The following TBC1D14 variants were observed in gnomAD, a reference collection of about 807,000 sequenced individuals.
TBC1D14 encodes TBC1 domain family, member 14.
TBC1D14 carries 26 observed loss-of-function variants against 79.0 expected under a neutral mutation model. The ratio of observed to expected loss-of-function variants is 0.33; its 90% confidence interval spans 0.24 to 0.46. The LOEUF (loss-of-function observed/expected upper bound fraction) is 0.46, where lower values mean the gene tolerates loss of function less well. Ranked by LOEUF, TBC1D14 falls within the 20% of genes least tolerant of loss-of-function variation. TBC1D14 has a pLI of 1.00. For missense variants in TBC1D14, 769 were observed against 887.6 expected (o/e 0.87, Z 1.70); for synonymous variants, 394 against 349.9 (o/e 1.13, Z -1.40).
intron 2 of TBC1D14, among the ~76,000 whole-genome samples, chr4:6,943,024 C>T (rs982877320): frequency 6.6e-6 from 1 of 152,182 alleles, no homozygotes; most frequent in East Asian, 1.9e-4. Context: ...TCAAACACAA[C>T]GGAGGTTGAT....
At chr4:6,964,657 C>T (rs1715541282) in intron 2 of TBC1D14, among the ~76,000 whole-genome samples, 1 of 152,110 alleles carries the variant, frequency 6.6e-6, no homozygotes, top group Admixed American at 6.5e-5. Flanking sequence ...GCTCTGTCGC[C>T]CAGGCTGGAG....
intron 1 of TBC1D14, chr4:6,910,422 C>G (rs371612153): frequency 6.6e-6 from 1 of 152,478 alleles, no homozygotes; most frequent in Non-Finnish European, 1.5e-5. Context: ...CCCCTGGAGC[C>G]CCTGACCCGC....
intron 3 of TBC1D14, among the ~76,000 whole-genome samples, chr4:6,970,714 G>A (rs905019705): frequency 2.0e-5 from 3 of 151,434 alleles, no homozygotes; most frequent in Non-Finnish European, 4.4e-5. Context: ...CAAGGAGCCC[G>A]TGGCTGAGCT....
At chr4:6,951,752 T>C (rs927804913) in intron 2 of TBC1D14, among the ~76,000 whole-genome samples, 9 of 152,232 alleles carry the variant, frequency 5.9e-5, no homozygotes, top group African/African-American at 2.2e-4. Flanking sequence ...GAAAGGTCTG[T>C]TCTGTGAGTG....
chr4:6,925,806 C>T (rs1019173437), intron 2 of TBC1D14, among the ~76,000 whole-genome samples: 1 of 152,172 alleles, frequency 6.6e-6, no homozygotes, highest in Non-Finnish European at 1.5e-5. Context: ...CTTCCCCGTG[C>T]TCAGACGAGT....
At chr4:7,023,950 G>T (rs929048734) in intron 12 of TBC1D14, among the ~76,000 whole-genome samples, 1 of 152,162 alleles carries the variant, frequency 6.6e-6, no homozygotes, top group Non-Finnish European at 1.5e-5. Flanking sequence ...GGCCTTCCTC[G>T]ACTTTTACTG....
chr4:6,925,228 C>T (rs1452589468), intron 2 of TBC1D14, among the ~76,000 whole-genome samples: 1 of 152,212 alleles, frequency 6.6e-6, no homozygotes, highest in Non-Finnish European at 1.5e-5. Context: ...GATCGCGCCA[C>T]CGCACTCCAG....
At chr4:7,011,014 A>G (rs1305134949) in intron 11 of TBC1D14, among the ~76,000 whole-genome samples, 1 of 152,218 alleles carries the variant, frequency 6.6e-6, no homozygotes, top group Non-Finnish European at 1.5e-5. Flanking sequence ...TCTCTCAGAA[A>G]AACATTACCT....
intron 3 of TBC1D14, among the ~76,000 whole-genome samples, chr4:6,969,834 A>G (rs1716070874): frequency 6.6e-6 from 1 of 152,076 alleles, no homozygotes; most frequent in Non-Finnish European, 1.5e-5. Context: ...GAGGAGGACC[A>G]TCTGCTTCCG....
intron 2 of TBC1D14, among the ~76,000 whole-genome samples, chr4:6,960,799 C>T (rs890895242): frequency 1.3e-5 from 2 of 152,188 alleles, no homozygotes; most frequent in African/African-American, 2.4e-5. Flanking sequence ...GCCCCCGCTG[C>T]GTCTCTTCAG....
At chr4:7,010,169 T>C (rs938765728) in intron 10 of TBC1D14, among the ~76,000 whole-genome samples, 1 of 152,190 alleles carries the variant, frequency 6.6e-6, no homozygotes. Flanking sequence ...TTTAATCGAA[T>C]GCAATTTTCA....
At chr4:7,016,794 G>T (rs548489050) in intron 12 of TBC1D14, among the ~76,000 whole-genome samples, 3 of 152,310 alleles carry the variant, frequency 2.0e-5, no homozygotes, top group African/African-American at 7.2e-5. Flanking sequence ...ACTGGCTGTT[G>T]TCTGGGTCAT....
intron 1 of TBC1D14, among the ~76,000 whole-genome samples, chr4:6,922,682 T>C (rs533149337): frequency 6.6e-6 from 1 of 152,332 alleles, no homozygotes; most frequent in African/African-American, 2.4e-5. Flanking sequence ...CCTTGACTTA[T>C]GTATGGGTTA....
intron 11 of TBC1D14, among the ~76,000 whole-genome samples, chr4:7,014,010 A>G (rs142598529): frequency 7.5e-4 from 114 of 152,190 alleles, no homozygotes; most frequent in African/African-American, 2.6e-3. Flanking sequence ...CGGCCTCCCA[A>G]AGTGCTGGGA....
At chr4:7,008,691 G>A (rs763661243) in intron 9 of TBC1D14, among the ~76,000 whole-genome samples, 101 of 152,218 alleles carry the variant, frequency 6.6e-4, no homozygotes, top group African/African-American at 1.6e-3. Flanking sequence ...GAATACAGGC[G>A]TGAGCCACTG....
intron 2 of TBC1D14, among the ~76,000 whole-genome samples, chr4:6,950,254 T>G (rs115261309): frequency 6.6e-6 from 1 of 152,368 alleles, no homozygotes; most frequent in African/African-American, 2.4e-5. Context: ...TTATTTTTTA[T>G]GGCTAATGCA....
chr4:6,994,400 GGGA>G (rs1193529456), intron 4 of TBC1D14, 98 bp downstream of exon 4: 1 of 1,054,800 alleles, frequency 9.5e-7, no homozygotes, highest in South Asian at 1.3e-5. Flanking sequence ...GTCAGAAAAG[GGGA>G]GAAGAGTAAG....
intron 12 of TBC1D14, among the ~76,000 whole-genome samples, chr4:7,022,759 A>G (rs898574204): frequency 6.6e-6 from 1 of 152,100 alleles, no homozygotes; most frequent in Non-Finnish European, 1.5e-5. Context: ...ACTTAATTTT[A>G]TAAAGTTCAT....
chr4:6,954,147 C>G (rs1714386988), intron 2 of TBC1D14: 6 of 623,808 alleles, frequency 9.6e-6, no homozygotes, highest in Non-Finnish European at 1.2e-5. Flanking sequence ...CTGCTGGGTC[C>G]AGCTTGCCTT....
Sources: gnomAD v4.1 joint callset for allele counts (sites outside exome capture counted in the v4.1 genomes callset) on GRCh38, gnomAD v4.1.1 for gene constraint, MANE v1.5 for transcripts, NCBI Gene and HGNC (gene_info 2026-07-23, HGNC 2026-07-21) for gene names.